Variants in OTUD7B observed in about 807,000 individuals in gnomAD.
OTUD7B encodes OTU domain-containing protein 7B.
In OTUD7B, 34 loss-of-function variants were observed where a neutral mutation model predicts 82.2. The ratio of observed to expected loss-of-function variants is 0.41; its 90% CI spans 0.31 to 0.55. The LOEUF (loss-of-function observed/expected upper bound fraction) is 0.55. OTUD7B is among the 20% of genes least tolerant of loss of function. The pLI is 0.20. For missense variants in OTUD7B, 944 were observed against 1,062.1 expected (o/e 0.89, Z 1.55); for synonymous variants, 398 against 402.7 (o/e 0.99, Z 0.14).
chr1:149,944,518 T>A lies in OTUD7B; in HGVS notation c.1871A>T (p.Gln624Leu), dbSNP rs782377402. 6.2e-7 allele frequency: 1 copy of A among 1,614,146 alleles called. No individual in the cohort carries two copies. Among genetic ancestry groups the A allele is most frequent in the Non-Finnish European group, 8.5e-7 (1 of 1,180,024 alleles). ...TLKMGHRHQY[Q>L]EEMIQRYLSD... ...AAGGTAGCGCTGGATCATTTCCTCC[T>A]GATACTGGTGACGGTGACCCATCTT... Residue 624 changes from glutamine to leucine, a missense_variant, in exon 12 of 12, where the codon CAG becomes CTG. Coordinates refer to ENST00000581312, the MANE Select transcript of OTUD7B (RefSeq NM_020205.4).
chr1:149,990,009 T>G (rs2101897165), intron 1 of OTUD7B, among the ~76,000 whole-genome samples: 1 of 152,344 alleles, frequency 6.6e-6, no homozygotes, highest in East Asian at 1.9e-4. Flanking sequence ...TACTCACATT[T>G]TAACTCTCCA....
At chr1:150,039,105 CTT>C in the OTUD7B span, among the ~76,000 whole-genome samples, 847 of 152,222 alleles carry the variant, frequency 5.6e-3, 5 homozygotes, top group African/African-American at 0.019. Flanking sequence ...CTTAATTACT[CTT>C]GTCTTTCTAA....
intron 1 of OTUD7B, among the ~76,000 whole-genome samples, chr1:150,000,456 C>T (rs1420002518): frequency 6.6e-6 from 1 of 151,426 alleles, no homozygotes; most frequent in East Asian, 1.9e-4. Context: ...GCCTGGGTGA[C>T]GGAGCAAGAC....
At chr1:150,054,915 T>C in the OTUD7B span, 1 of 269,324 alleles carries the variant, frequency 3.7e-6, no homozygotes, top group Non-Finnish European at 7.5e-6. Flanking sequence ...ACAAGATTGA[T>C]CAAAAAGCTG....
At position 149,938,659 on chromosome 1, in the gene OTUD7B, C is replaced by T. The variant is rs2092742480; in HGVS notation, c.*5198G>A. 2 of 149,618 alleles carry T rather than the reference C, an allele frequency of 1.3e-5. No individual in the cohort carries two copies. The highest frequency in any genetic ancestry group is 2.9e-5 in the Non-Finnish European group (2 of 67,908). 9.3% of individuals were successfully genotyped at this position (149,618 alleles called of 1,614,324 possible). A position where few individuals can be genotyped will look rare whatever the true frequency, so the allele number is the denominator to read the frequency against. ...GGGTGTGGTGGCTCATGCCTGTAATCCCAGCACTTTGGAAGGCTGAGGTGG... is the reference window on the plus strand; with the variant it reads ...GGGTGTGGTGGCTCATGCCTGTAATTCCAGCACTTTGGAAGGCTGAGGTGG... On this transcript the variant is annotated 3_prime_UTR_variant, in exon 12 of 12. Transcript: ENST00000581312.
At chr1:150,031,605 A>C in the OTUD7B span, among the ~76,000 whole-genome samples, 4 of 152,348 alleles carry the variant, frequency 2.6e-5, no homozygotes, top group East Asian at 7.7e-4. Context: ...GCACACACAC[A>C]CAAAAATCAG....
intron 3 of OTUD7B, among the ~76,000 whole-genome samples, chr1:149,970,408 T>A (rs1649835639): frequency 6.6e-6 from 1 of 151,618 alleles, no homozygotes; most frequent in Non-Finnish European, 1.5e-5. Context: ...AACCTCCACC[T>A]CCCAAGTTCA....
intron 7 of OTUD7B, 77 bp from the exon 8 acceptor site, chr1:149,950,298 A>G: frequency 7.0e-7 from 1 of 1,421,822 alleles, no homozygotes. Flanking sequence ...CCTGAAGACC[A>G]GTTCTGCAGA....
chr1:150,014,732 C>T (rs587601503), upstream of OTUD7B, among the ~76,000 whole-genome samples: 2 of 152,016 alleles, frequency 1.3e-5, no homozygotes, highest in South Asian at 2.1e-4. Context: ...CAGGAACAGG[C>T]GAACGTAATC....
At chr1:150,058,482 C>G in the OTUD7B span, among the ~76,000 whole-genome samples, 1 of 152,166 alleles carries the variant, frequency 6.6e-6, no homozygotes, top group African/African-American at 2.4e-5. Context: ...GCACTGCACT[C>G]CAGCCTGGGT....
Position 149,977,426 on chromosome 1 carries a change from C to T in OTUD7B, c.85G>A (p.Gly29Arg). The T allele has an allele frequency of 6.2e-7, 1 of 1,608,450 alleles. No homozygotes were observed. Among genetic ancestry groups the T allele is most frequent in the Admixed American group, 1.7e-5 (1 of 60,016 alleles). ...CTCATTCTCCCCTACAACTCCTCAC[C>T]TTCTAGGAGATCTCGCGCTAGCCCT... ...EPGLARDLLE[G>R]KNWDVNAALS... is the part of the protein sequence containing the mutation. The change falls in exon 2 of 12, where the codon GGA becomes AGA. Residue 29 changes from glycine (G) to arginine (R), a missense_variant and splice_region_variant. This residue lies in a region of OTUD7B where 530 missense variants were observed against 625.6 expected (regional missense o/e 0.85). Transcript: ENST00000581312.
upstream of OTUD7B, among the ~76,000 whole-genome samples, chr1:150,014,982 T>G (rs1449249505): frequency 6.6e-6 from 1 of 152,196 alleles, no homozygotes; most frequent in Non-Finnish European, 1.5e-5. Flanking sequence ...CATTTACTTG[T>G]GGATTATTTG....
the OTUD7B span, among the ~76,000 whole-genome samples, chr1:150,066,276 T>C: frequency 5.7e-4 from 86 of 152,206 alleles, no homozygotes; most frequent in Non-Finnish European, 1.0e-3. This position sits in a 1 kb window ranked among gnomAD's most constrained non-coding sequence, Gnocchi z 4.6. Flanking sequence ...ACATTTAAAT[T>C]GATAAGAATG....
chr1:150,027,778 T>C, the OTUD7B span, among the ~76,000 whole-genome samples: 1 of 152,084 alleles, frequency 6.6e-6, no homozygotes, highest in Non-Finnish European at 1.5e-5. Context: ...ATATTTCTTT[T>C]CTTTATTATT....
chr1:150,058,372 G>C, the OTUD7B span, among the ~76,000 whole-genome samples: 1 of 152,078 alleles, frequency 6.6e-6, no homozygotes, highest in African/African-American at 2.4e-5. Context: ...TAATGGGCAT[G>C]GTAGCACATC....
the OTUD7B span, among the ~76,000 whole-genome samples, chr1:150,037,458 G>T: frequency 6.6e-6 from 1 of 152,036 alleles, no homozygotes; most frequent in Non-Finnish European, 1.5e-5. Flanking sequence ...TTTGGCAGAT[G>T]ATACCTTATA....
At chr1:149,990,569 C>G (rs1239311187) in intron 1 of OTUD7B, among the ~76,000 whole-genome samples, 3 of 152,198 alleles carry the variant, frequency 2.0e-5, no homozygotes, top group African/African-American at 7.2e-5. Flanking sequence ...TCACTAATAG[C>G]TTCTCTGTTA....
At chr1:149,994,056 T>C (rs1272518691) in intron 1 of OTUD7B, among the ~76,000 whole-genome samples, 1 of 152,212 alleles carries the variant, frequency 6.6e-6, no homozygotes, top group Non-Finnish European at 1.5e-5. Context: ...AGCCATCTGG[T>C]AAACATCCAT....
the OTUD7B span, among the ~76,000 whole-genome samples, chr1:150,039,173 C>A: frequency 0.15 from 22,735 of 151,936 alleles, 1,873 homozygotes; most frequent in African/African-American, 0.18. Context: ...TCTTTAAAAA[C>A]AGAAAAGAAA....
Sources: allele counts gnomAD v4.1 joint callset (sites outside exome capture counted in the v4.1 genomes callset), GRCh38; gene constraint gnomAD v4.1.1; regional missense constraint gnomAD v4.1.1; non-coding constraint Gnocchi (gnomAD v3.1); transcripts MANE v1.5; gene names NCBI Gene and HGNC (gene_info 2026-07-23, HGNC 2026-07-21).